The following GJA9 variants were observed in gnomAD, a reference collection of about 807,000 sequenced individuals.
GJA9 encodes gap junction protein alpha 9.
A neutral mutation model predicts 0.4 loss-of-function variants in GJA9; 1 was observed. That is an observed-to-expected ratio of 2.50 (90% CI 0.89 to 11.88). The LOEUF is 11.88. GJA9 is among the 30% of genes most tolerant of loss of function. The probability of loss-of-function intolerance (pLI) is 0.12; values close to 1 mark genes in which losing one functional copy is unlikely to be tolerated. For missense variants in GJA9, 550 were observed against 602.8 expected (o/e 0.91, Z 0.92); for synonymous variants, 190 against 219.1 (o/e 0.87, Z 1.17).
intron 1 of GJA9, among the ~76,000 whole-genome samples, chr1:38,877,573 T>C (rs1334674980): frequency 6.6e-6 from 1 of 150,948 alleles, no homozygotes; most frequent in Non-Finnish European, 1.5e-5. Flanking sequence ...CTCGGCGCAT[T>C]GCAACCTCCG....
chr1:38,878,452 G>A (rs995276602), intron 1 of GJA9, among the ~76,000 whole-genome samples: 2 of 150,888 alleles, frequency 1.3e-5, no homozygotes, highest in East Asian at 2.0e-4. Context: ...AGGCCGATGC[G>A]GATCACCTGA....
At chr1:38,880,247 T>C (rs1642666959) in intron 1 of GJA9, among the ~76,000 whole-genome samples, 1 of 143,592 alleles carries the variant, frequency 7.0e-6, no homozygotes, top group African/African-American at 2.6e-5. Context: ...CTACTAAAAA[T>C]ACAAAAATTA....
chr1:38,876,541 G>A (rs1195198902), intron 1 of GJA9, among the ~76,000 whole-genome samples: 1 of 152,156 alleles, frequency 6.6e-6, no homozygotes, highest in Non-Finnish European at 1.5e-5. Context: ...ACCTCCCAAA[G>A]TGTGGGAATT....
Position 38,875,363 on chromosome 1 carries a change from A to G in GJA9, c.736T>C (p.Tyr246His). The change falls in exon 2 of 2, where the codon TAC becomes CAC. Residue 246 changes from tyrosine to histidine, a missense_variant. Coordinates refer to ENST00000357771, the MANE Select transcript of GJA9 (RefSeq NM_030772.5). ...TCATTATGTTCCTTCTTCAACTTGT[A>G]TTTTCCCCAAAGCCCTCTTTTAATC... is the stretch of plus-strand genomic sequence containing the variant. The part of the protein sequence containing the change: ...KKIKRGLWGK[Y>H]KLKKEHNEFH... 6.2e-7 allele frequency: 1 copy of G among 1,614,106 alleles called. No homozygotes were observed. Among genetic ancestry groups the G allele is most frequent in the South Asian group, 1.1e-5 (1 of 91,060 alleles).
Position 38,874,733 on chromosome 1 carries a change from G to T in GJA9, c.1366C>A (p.Pro456Thr). The part of the protein sequence containing the change: ...QFRKGTVRTL[P>T]PSQGDSQSLD... ...GATTGAGAATCTCCTTGTGAAGGAG[G>T]AAGGGTTCTGACTGTGCCCTTTCTG... is the stretch of plus-strand genomic sequence containing the variant. The change falls in exon 2 of 2, where the codon CCT becomes ACT. Residue 456 changes from proline (P) to threonine (T), a missense_variant. Physicochemically the swap from Pro to Thr is conservative, Grantham distance 38 (BLOSUM62 -1). Coordinates refer to ENST00000357771, the MANE Select transcript of GJA9 (RefSeq NM_030772.5). 1 of 1,614,228 alleles carries T rather than the reference G, an allele frequency of 6.2e-7. No individual in the cohort carries two copies. Among genetic ancestry groups the T allele is most frequent in the East Asian group, 2.2e-5 (1 of 44,892 alleles).
At position 38,875,790 on chromosome 1, in the gene GJA9, A is replaced by C. The variant is rs1264997519; in HGVS notation, c.309T>G (p.Leu103=). 1.2e-6 allele frequency: 2 copies of C among 1,614,118 alleles called. No individual in the cohort carries two copies. The highest frequency in any genetic ancestry group is 1.1e-5 in the South Asian group (1 of 91,094). Residue 103 remains leucine, a synonymous_variant, in exon 2 of 2, where the codon CTT becomes CTG. Transcript: ENST00000357771. Reference sequence around the variant, plus strand: ...CTTTCATCCTTTGCCTCTCTTCCTCAAGAACTCTCAGTCGGTACAATGCAT... The same window carrying C: ...CTTTCATCCTTTGCCTCTCTTCCTCCAGAACTCTCAGTCGGTACAATGCAT... ...MGHALYRLRV[L]EEERQRMKAQ...
Position 38,881,501 on chromosome 1 carries a change from A to G in GJA9, c.-165T>C. Reference sequence around the variant, plus strand: ...GTTACAGCATGGCCATCTTCAATTTATTTTCTGAATTTGTCCCTTTGCTGG... The same window carrying G: ...GTTACAGCATGGCCATCTTCAATTTGTTTTCTGAATTTGTCCCTTTGCTGG... On this transcript the variant is annotated 5_prime_UTR_variant, in exon 1 of 2. Transcript: ENST00000357771. The G allele has an allele frequency of 1.4e-6, 1 of 699,932 alleles. No individual in the cohort carries two copies. The highest frequency in any genetic ancestry group is 2.7e-5 in the East Asian group (1 of 37,034). The allele number at this position is 699,932 out of a possible 1,614,324, so 43.4% of individuals were successfully genotyped here.
At chr1:38,879,996 C>T (rs1372160482) in intron 1 of GJA9, among the ~76,000 whole-genome samples, 2 of 151,812 alleles carry the variant, frequency 1.3e-5, no homozygotes, top group South Asian at 2.1e-4. Flanking sequence ...GGATTACAAG[C>T]GTGAGCCACC....
chr1:38,877,537 G>A (rs1277061869), intron 1 of GJA9, among the ~76,000 whole-genome samples: 6 of 149,786 alleles, frequency 4.0e-5, no homozygotes, highest in East Asian at 2.0e-4. Flanking sequence ...TTGCTCTGTC[G>A]CCAGGCTGGA....
Position 38,876,142 on chromosome 1 carries a change from G to C in GJA9, c.-44C>G, listed in dbSNP as rs374468698. ...CTTAGCTCTGATCCACATCAAATAA[G>C]AGGCAGATAAATTCTTCCATTCTGA... On this transcript the variant is annotated 5_prime_UTR_variant, in exon 2 of 2. Transcript: ENST00000357771. The C allele has an allele frequency of 6.8e-7, 1 of 1,475,114 alleles. No individual in the cohort carries two copies. The highest frequency in any genetic ancestry group is 9.3e-7 in the Non-Finnish European group (1 of 1,071,488). The allele number at this position is 1,475,114 out of a possible 1,614,324, so 91.4% of individuals were successfully genotyped here.
rs562335646 is a variant in GJA9, at chr1:38,880,408, A to G, written c.-96+1024T>C. 1.1e-4 allele frequency among the ~76,000 whole-genome samples: 14 copies of G among 122,474 alleles called. 1 individual carries two copies. The highest frequency in any genetic ancestry group is 8.4e-5 in the Admixed American group (1 of 11,880). 80.3% of individuals were successfully genotyped at this position (122,474 alleles called of 152,430 possible). A position where few individuals can be genotyped will look rare whatever the true frequency, so the allele number is the denominator to read the frequency against. The stretch of plus-strand genomic sequence containing the variant: ...ACAGAGCAAGACTCTGTCTCAAAAA[A>G]AAATAAATAATAATAATAATAATAA... On this transcript the variant is annotated intron_variant, in intron 1 of 1. Transcript: ENST00000357771.
chr1:38,875,634 G>C lies in GJA9; in HGVS notation c.465C>G (p.Cys155Trp). The change falls in exon 2 of 2, where the codon TGC becomes TGG. Residue 155 changes from cysteine (C) to tryptophan (W), a missense_variant. Coordinates refer to ENST00000357771, the MANE Select transcript of GJA9 (RefSeq NM_030772.5). ...NKAPLRGTLLCTYVIHIFTRS... is the reference protein window; with the variant it reads ...NKAPLRGTLLWTYVIHIFTRS... ...GAGTGAAAATGTGTATCACATAAGT[G>C]CAAAGCAAGGTTCCTCTGAGTGGAG... is the stretch of plus-strand genomic sequence containing the variant. 6.2e-7 allele frequency: 1 copy of C among 1,614,180 alleles called. No homozygotes were observed. Among genetic ancestry groups the C allele is most frequent in the South Asian group, 1.1e-5 (1 of 91,090 alleles).
intron 1 of GJA9, among the ~76,000 whole-genome samples, chr1:38,878,730 C>CTTT (rs1240029430): frequency 2.3e-4 from 24 of 103,416 alleles, no homozygotes; most frequent in Middle Eastern, 5.7e-3. Context: ...GTACCAGAAT[C>CTTT]TTTTTTTTTT....
intron 1 of GJA9, among the ~76,000 whole-genome samples, chr1:38,878,177 C>CGAAA (rs1642624166): frequency 6.6e-6 from 1 of 151,868 alleles, no homozygotes; most frequent in Non-Finnish European, 1.5e-5. Flanking sequence ...TTCCCAGGTT[C>CGAAA]AAGTGATTCT....
intron 1 of GJA9, among the ~76,000 whole-genome samples, chr1:38,880,410 A>C (rs1322508739): frequency 9.0e-6 from 1 of 111,284 alleles, no homozygotes; most frequent in Non-Finnish European, 1.8e-5. Flanking sequence ...CTCAAAAAAA[A>C]ATAAATAATA....
intron 1 of GJA9, among the ~76,000 whole-genome samples, chr1:38,879,257 AC>A: frequency 6.6e-6 from 1 of 152,250 alleles, no homozygotes; most frequent in Non-Finnish European, 1.5e-5. Context: ...GAGGAAATAT[AC>A]CCCAAAGGAA....
In GJA9 at chr1:38,874,546, G is replaced by A. The variant is rs750406040; in HGVS notation, c.*5C>T. ...TATATATAATGTCTAAAAGCCAACC[G>A]CTGTTTAGATCTGAAGATCTGTGGG... On this transcript the variant is annotated 3_prime_UTR_variant, in exon 2 of 2. Transcript: ENST00000357771. The A allele has an allele frequency of 1.5e-5, 24 of 1,605,978 alleles. No individual in the cohort carries two copies. Among genetic ancestry groups the A allele is most frequent in the Non-Finnish European group, 2.0e-5 (23 of 1,173,674 alleles).
Position 38,874,994 on chromosome 1 carries a change from C to T in GJA9, c.1105G>A (p.Glu369Lys), listed in dbSNP as rs868216868. ...GKELNGNQLMEKRETEGKDSK... is the reference protein window; with the variant it reads ...GKELNGNQLMKKRETEGKDSK... ...TCTTTGCCTTCAGTTTCTCTTTTTT[C>T]CATTAACTGGTTACCATTAAGTTCT... Residue 369 changes from glutamate to lysine, a missense_variant, in exon 2 of 2, where the codon GAA (glutamate) becomes AAA (lysine). Glu to Lys is a moderately conservative substitution (Grantham distance 56). Transcript: ENST00000357771. 1 of 1,614,118 alleles carries T rather than the reference C, an allele frequency of 6.2e-7. No individual in the cohort carries two copies. The highest frequency in any genetic ancestry group is 1.1e-5 in the South Asian group (1 of 91,084).
At chr1:38,880,402 C>CAAAAAAAT in intron 1 of GJA9, among the ~76,000 whole-genome samples, 1 of 79,866 alleles carries the variant, frequency 1.3e-5, no homozygotes, top group Non-Finnish European at 3.0e-5. Context: ...GACTCTGTCT[C>CAAAAAAAT]AAAAAAAAAT....
Sources: gnomAD v4.1 joint callset for allele counts (sites outside exome capture counted in the v4.1 genomes callset) on GRCh38, gnomAD v4.1.1 for gene constraint, MANE v1.5 for transcripts, NCBI Gene and HGNC (gene_info 2026-07-23, HGNC 2026-07-21) for gene names.